The following TMTC2 variants were observed in gnomAD, a reference collection of about 807,000 sequenced individuals.
TMTC2 encodes the protein protein O-mannosyl-transferase TMTC2.
Under a neutral mutation model 82.4 loss-of-function variants are expected in TMTC2, and 43 were observed. The observed-to-expected ratio is 0.52, with a 90% CI of 0.41 to 0.67. The LOEUF (loss-of-function observed/expected upper bound fraction) is 0.67, where lower values mean the gene tolerates loss of function less well. TMTC2 is among the 30% of genes least tolerant of loss of function. TMTC2 has a pLI of 0.00. For synonymous variants in TMTC2, 408 were observed against 381.9 expected, an observed-to-expected ratio of 1.07 and a Z score of -0.80; for missense variants, 919 against 1,012.4, an observed-to-expected ratio of 0.91 and a Z score of 1.25.
intron 4 of TMTC2, among the ~76,000 whole-genome samples, chr12:82,948,254 A>G (rs1472273055): frequency 6.6e-6 from 1 of 152,130 alleles, no homozygotes; most frequent in Non-Finnish European, 1.5e-5. Flanking sequence ...AGTCCCAGCT[A>G]CTTAGGAGGC....
At chr12:82,911,112 C>T (rs573266962) in intron 3 of TMTC2, among the ~76,000 whole-genome samples, 1 of 152,262 alleles carries the variant, frequency 6.6e-6, no homozygotes, top group African/African-American at 2.4e-5. Flanking sequence ...TATCTCCTGA[C>T]CTTGTGAGCC....
At chr12:82,931,661 G>A (rs1876036658) in intron 4 of TMTC2, among the ~76,000 whole-genome samples, 1 of 152,122 alleles carries the variant, frequency 6.6e-6, no homozygotes, top group Non-Finnish European at 1.5e-5. Context: ...TTGTGTTTCA[G>A]GAATGTTTCT....
At chr12:82,904,147 C>T (rs1874171341) in intron 3 of TMTC2, among the ~76,000 whole-genome samples, 1 of 152,084 alleles carries the variant, frequency 6.6e-6, no homozygotes, top group Non-Finnish European at 1.5e-5. Context: ...GGCAGATTTT[C>T]TTAGTCTAAT....
At chr12:82,897,135 C>G (rs1873728003) in intron 3 of TMTC2, among the ~76,000 whole-genome samples, 1 of 152,156 alleles carries the variant, frequency 6.6e-6, no homozygotes, top group African/African-American at 2.4e-5. Flanking sequence ...AAGTATGTCT[C>G]TAGATGTCAG....
At chr12:82,998,703 G>T (rs1879784083) in intron 8 of TMTC2, among the ~76,000 whole-genome samples, 1 of 151,922 alleles carries the variant, frequency 6.6e-6, no homozygotes. Flanking sequence ...TCCTTTAACT[G>T]GGATGCTCTC....
rs185249725 is a variant in TMTC2, at chr12:82,895,832, G to T, written c.669G>T (p.Ser223=). The T allele has an allele frequency of 6.9e-6, 11 of 1,605,274 alleles. No individual in the cohort carries two copies. The African/African-American group carries it at 1.3e-4, about 20-fold the overall frequency. Residue 223 remains serine (S), a synonymous_variant, in exon 3 of 12, where the codon TCG becomes TCT. Transcript: ENST00000321196. ...TTTGGTTTCAGAGGAAGAACTTGTCGCTTTTCCTAAGCATTAGTTTGTTAA... is the reference window on the plus strand; with the variant it reads ...TTTGGTTTCAGAGGAAGAACTTGTCTCTTTTCCTAAGCATTAGTTTGTTAA... ...LPTIYKRKNL[S]LFLSISLLIF...
intron 1 of TMTC2, among the ~76,000 whole-genome samples, chr12:82,805,712 A>G (rs1281153252): frequency 1.3e-5 from 2 of 151,642 alleles, no homozygotes; most frequent in Admixed American, 1.3e-4. Flanking sequence ...TCACCCTGTT[A>G]GCCAGGATGG....
chr12:82,902,409 T>C (rs942300239), intron 3 of TMTC2, among the ~76,000 whole-genome samples: 1 of 152,222 alleles, frequency 6.6e-6, no homozygotes, highest in African/African-American at 2.4e-5. Flanking sequence ...GCTGTGTCTC[T>C]GGATTTGTCT....
intron 2 of TMTC2, among the ~76,000 whole-genome samples, chr12:82,891,459 C>A (rs947413894): frequency 6.6e-6 from 1 of 152,092 alleles, no homozygotes. Flanking sequence ...CAGGCATGCG[C>A]CACCACGCCT....
intron 1 of TMTC2, among the ~76,000 whole-genome samples, chr12:82,785,553 T>C (rs1379072387): frequency 1.3e-5 from 2 of 152,106 alleles, no homozygotes; most frequent in African/African-American, 4.8e-5. Flanking sequence ...GCAAAATATA[T>C]GTCCATTCAT....
intron 1 of TMTC2, among the ~76,000 whole-genome samples, chr12:82,722,608 G>T (rs1241021863): frequency 1.3e-5 from 2 of 150,938 alleles, no homozygotes; most frequent in African/African-American, 4.9e-5. Context: ...CGGGCATGGT[G>T]GTGCACGCCT....
intron 1 of TMTC2, among the ~76,000 whole-genome samples, chr12:82,764,972 G>GGT (rs1876864328): frequency 1.3e-5 from 2 of 150,082 alleles, no homozygotes; most frequent in African/African-American, 4.9e-5. Context: ...GTGTCTGGTG[G>GGT]GCGGGGGGGT....
intron 1 of TMTC2, among the ~76,000 whole-genome samples, chr12:82,746,539 C>T (rs932222178): frequency 2.0e-5 from 3 of 152,198 alleles, no homozygotes; most frequent in Non-Finnish European, 4.4e-5. Context: ...CTCTGCCCCC[C>T]ATCTGCCTCC....
intron 3 of TMTC2, among the ~76,000 whole-genome samples, chr12:82,902,499 C>T (rs1283122853): frequency 6.6e-6 from 1 of 152,202 alleles, no homozygotes; most frequent in Non-Finnish European, 1.5e-5. Context: ...GATTTTCAGT[C>T]TGTTTAGCTT....
At chr12:83,128,518 T>C (rs1885162692) in intron 11 of TMTC2, among the ~76,000 whole-genome samples, 1 of 152,180 alleles carries the variant, frequency 6.6e-6, no homozygotes, top group African/African-American at 2.4e-5. Context: ...TACTTTGTTC[T>C]ATACATTATA....
chr12:83,129,183 A>G (rs1885187338), intron 11 of TMTC2, among the ~76,000 whole-genome samples: 1 of 152,210 alleles, frequency 6.6e-6, no homozygotes, highest in African/African-American at 2.4e-5. Context: ...TGAAATGTAT[A>G]GCTGCTTAAA....
At chr12:82,935,740 A>C (rs1876281912) in intron 4 of TMTC2, among the ~76,000 whole-genome samples, 1 of 152,188 alleles carries the variant, frequency 6.6e-6, no homozygotes, top group African/African-American at 2.4e-5. Context: ...AACATGCTAT[A>C]ATCAATTCTT....
chr12:82,710,326 C>T (rs530438095), intron 1 of TMTC2, among the ~76,000 whole-genome samples: 16 of 152,326 alleles, frequency 1.1e-4, no homozygotes, highest in Admixed American at 1.0e-3. Context: ...TTAAGAAAAA[C>T]ATGGCTTCCA....
chr12:82,697,300 C>T (rs1190990872), intron 1 of TMTC2, among the ~76,000 whole-genome samples: 2 of 145,810 alleles, frequency 1.4e-5, no homozygotes, highest in East Asian at 2.0e-4. Flanking sequence ...GCCAAGATCA[C>T]GCCACTGCAC....
Sources: allele counts gnomAD v4.1 joint callset (sites outside exome capture counted in the v4.1 genomes callset), GRCh38; gene constraint gnomAD v4.1.1; transcripts MANE v1.5; gene names NCBI Gene and HGNC (gene_info 2026-07-23, HGNC 2026-07-21).